Variants in GPR39 observed in about 807,000 individuals in gnomAD.
The protein encoded by GPR39 is zinc sensing receptor.
In GPR39, 23 loss-of-function variants were observed where a neutral mutation model predicts 18.4. That is an observed-to-expected ratio of 1.25 (90% CI 0.90 to 1.77). GPR39 has a LOEUF of 1.77. Among genes scored for constraint, GPR39 ranks in the 40% most tolerant of loss-of-function variants. The pLI is 0.00. For missense variants in GPR39, 647 were observed against 602.4 expected, an observed-to-expected ratio of 1.07 and a Z score of -0.78; for synonymous variants, 280 against 257.9, an observed-to-expected ratio of 1.09 and a Z score of -0.82.
In GPR39 at chr2:132,535,923, G is replaced by GT. The variant is rs59539747; in HGVS notation, c.857-109170dup. 5.0e-3 allele frequency among the ~76,000 whole-genome samples: 701 copies of GT among 140,992 alleles called. 5 individuals are homozygous for GT. The highest frequency in any genetic ancestry group is 0.017 in the African/African-American group (669 of 38,568). 92.5% of individuals were successfully genotyped at this position (140,992 alleles called of 152,430 possible). ...GGTCAGTGGTGCTATCCCCTTTATT[G>GT]TTTTTTTTATTGTGGTCTATTTGAT... On this transcript the variant is annotated intron_variant, in intron 1 of 1. Transcript: ENST00000329321.
chr2:132,568,434 G>A (rs532555879), intron 1 of GPR39, among the ~76,000 whole-genome samples: 5 of 152,156 alleles, frequency 3.3e-5, no homozygotes, highest in African/African-American at 9.6e-5. Context: ...GGCCAGGCAC[G>A]GTGGCTTATG....
intron 1 of GPR39, among the ~76,000 whole-genome samples, chr2:132,566,342 G>T (rs561323198): frequency 1.5e-4 from 22 of 150,398 alleles, no homozygotes; most frequent in South Asian, 6.4e-4. Flanking sequence ...TTTCTCCCAT[G>T]TTGTAGGTTG....
intron 1 of GPR39, among the ~76,000 whole-genome samples, chr2:132,592,135 G>A (rs1680856504): frequency 6.6e-6 from 1 of 152,210 alleles, no homozygotes; most frequent in African/African-American, 2.4e-5. Context: ...TCATCATGGA[G>A]TTTATTGTCA....
chr2:132,525,104 C>A lies in GPR39; in HGVS notation c.856+107206C>A, dbSNP rs185300479. On this transcript the variant is annotated intron_variant, in intron 1 of 1. Transcript: ENST00000329321. ...ACTCAAATCCTACTAGCTCTTCAAG[C>A]ACCAGTTGAAATGCCACACCTCCCA... is the stretch of plus-strand genomic sequence containing the variant. 1.8e-3 allele frequency among the ~76,000 whole-genome samples: 281 copies of A among 152,310 alleles called. 14 individuals carry two copies. Among genetic ancestry groups the A allele is most frequent in the Admixed American group, 0.016 (244 of 15,302 alleles).
At chr2:132,441,742 A>C (rs912334626) in intron 1 of GPR39, among the ~76,000 whole-genome samples, 1 of 152,246 alleles carries the variant, frequency 6.6e-6, no homozygotes, top group Admixed American at 6.5e-5. Context: ...TGTGACTAGA[A>C]CTGATGGGAG....
At chr2:132,476,987 C>A (rs964709387) in intron 1 of GPR39, among the ~76,000 whole-genome samples, 3 of 152,152 alleles carry the variant, frequency 2.0e-5, no homozygotes, top group African/African-American at 7.2e-5. Flanking sequence ...GATTCAAGGC[C>A]CCACAGTATT....
At chr2:132,619,732 T>G (rs1681401114) in intron 1 of GPR39, among the ~76,000 whole-genome samples, 1 of 152,008 alleles carries the variant, frequency 6.6e-6, no homozygotes, top group African/African-American at 2.4e-5. Flanking sequence ...TTAGGCAATT[T>G]GGTTTCAGAT....
intron 1 of GPR39, among the ~76,000 whole-genome samples, chr2:132,627,272 G>T (rs1185740672): frequency 1.3e-5 from 2 of 152,144 alleles, no homozygotes; most frequent in African/African-American, 4.8e-5. Context: ...AGGGACAATG[G>T]CTCCCCAGAA....
intron 1 of GPR39, among the ~76,000 whole-genome samples, chr2:132,603,694 G>T (rs967507800): frequency 6.6e-6 from 1 of 152,114 alleles, no homozygotes; most frequent in East Asian, 1.9e-4. Flanking sequence ...ATCACAAAGG[G>T]TGTACATTTG....
At chr2:132,501,444 C>T (rs1002772395) in intron 1 of GPR39, among the ~76,000 whole-genome samples, 1 of 151,966 alleles carries the variant, frequency 6.6e-6, no homozygotes, top group Non-Finnish European at 1.5e-5. Flanking sequence ...TGAGAGAGTA[C>T]TTGATATAAT....
Position 132,457,200 on chromosome 2 carries a change from C to T in GPR39, c.856+39302C>T, listed in dbSNP as rs188618538. 4.3e-4 allele frequency among the ~76,000 whole-genome samples: 65 copies of T among 152,220 alleles called. 2 individuals are homozygous for T. In the East Asian group the frequency reaches 6.8e-3, roughly 16 times the overall value. ...TTTCTTCTTACTCTTTTTTCTCTAA[C>T]CTTGTCTTCTCACTTTATTTCATTA... On this transcript the variant is annotated intron_variant, in intron 1 of 1. Coordinates refer to ENST00000329321, the MANE Select transcript of GPR39 (RefSeq NM_001508.3).
chr2:132,556,417 G>A (rs187272062), intron 1 of GPR39, among the ~76,000 whole-genome samples: 157 of 152,258 alleles, frequency 1.0e-3, no homozygotes, highest in Admixed American at 2.4e-3. Context: ...CTATTTCACA[G>A]TTGACTCTGT....
chr2:132,634,555 A>C (rs111525773), intron 1 of GPR39, among the ~76,000 whole-genome samples: 1,869 of 152,276 alleles, frequency 0.012, 38 homozygotes, highest in African/African-American at 0.042. Context: ...ATGGAAATTG[A>C]GGGTTATAAT....
At chr2:132,633,895 G>A (rs771715061) in intron 1 of GPR39, among the ~76,000 whole-genome samples, 7 of 152,022 alleles carry the variant, frequency 4.6e-5, no homozygotes, top group Non-Finnish European at 1.0e-4. Context: ...TGGTATAGGT[G>A]GAGGTGATAA....
intron 1 of GPR39, among the ~76,000 whole-genome samples, chr2:132,423,323 TTATAA>T (rs1680050632): frequency 6.6e-6 from 1 of 152,196 alleles, no homozygotes; most frequent in African/African-American, 2.4e-5. Context: ...CTTGCTCTTC[TTATAA>T]GGATGCTGGT....
intron 1 of GPR39, among the ~76,000 whole-genome samples, chr2:132,639,444 A>G (rs1218197787): frequency 3.9e-5 from 6 of 152,248 alleles, no homozygotes; most frequent in Admixed American, 1.3e-4. Context: ...CAAGGCTTCA[A>G]TGATTCCATA....
intron 1 of GPR39, among the ~76,000 whole-genome samples, chr2:132,638,063 G>C (rs2104876426): frequency 6.6e-6 from 1 of 152,062 alleles, no homozygotes; most frequent in African/African-American, 2.4e-5. Flanking sequence ...TGTACAGAAA[G>C]AGGAGAAATG....
intron 1 of GPR39, among the ~76,000 whole-genome samples, chr2:132,449,240 T>TTTGC (rs1243459296): frequency 2.0e-5 from 3 of 151,452 alleles, no homozygotes; most frequent in Non-Finnish European, 4.4e-5. Flanking sequence ...TGTTTTTTTG[T>TTTGC]TTGTTTGTTT....
intron 1 of GPR39, among the ~76,000 whole-genome samples, chr2:132,550,785 A>T (rs1225088646): frequency 6.6e-6 from 1 of 152,218 alleles, no homozygotes; most frequent in Non-Finnish European, 1.5e-5. Flanking sequence ...TGATTCATAC[A>T]TTAGTGATTA....
Sources: gnomAD v4.1 joint callset for allele counts (sites outside exome capture counted in the v4.1 genomes callset) on GRCh38, gnomAD v4.1.1 for gene constraint, MANE v1.5 for transcripts, NCBI Gene and HGNC (gene_info 2026-07-23, HGNC 2026-07-21) for gene names.